SEL1L3: variants seen among roughly 807,000 people sequenced by gnomAD.
SEL1L3 encodes the protein SEL1L family member 3, also known as protein sel-1 homolog 3.
Under a neutral mutation model 142.8 loss-of-function variants are expected in SEL1L3, and 76 were observed. The observed-to-expected ratio is 0.53, with a 90% CI of 0.44 to 0.64. The LOEUF (loss-of-function observed/expected upper bound fraction) is 0.64, where lower values mean the gene tolerates loss of function less well. Ranked by LOEUF, SEL1L3 falls within the 30% of genes least tolerant of loss-of-function variation. The probability of loss-of-function intolerance (pLI) is 0.00; values close to 1 mark genes in which losing one functional copy is unlikely to be tolerated. For synonymous variants in SEL1L3, 504 were observed against 519.6 expected (o/e 0.97, Z 0.41); for missense variants, 1,262 against 1,381.7 (o/e 0.91, Z 1.37).
chr4:25,782,297 T>C lies in SEL1L3; in HGVS notation c.2402A>G (p.Asn801Ser), dbSNP rs369858949. The part of the protein sequence containing the change: ...EEMGNPDASY[N>S]LGVLHLDGIF... ...GCCATCCAAATGCAGGACTCCAAGA[T>C]TGTATGACGCATCTGGGTTCCCCAT... Residue 801 changes from asparagine to serine, a missense_variant, in exon 15 of 24, where the codon AAT becomes AGT. Physicochemically the swap from Asn to Ser is conservative, Grantham distance 46 (BLOSUM62 1). Around this residue, in one of 3 missense-constraint regions of SEL1L3, gnomAD observed 435 missense variants for 559.2 expected, o/e 0.78. Coordinates refer to ENST00000399878, the MANE Select transcript of SEL1L3 (RefSeq NM_015187.5). The C allele has an allele frequency of 3.1e-6, 5 of 1,613,766 alleles. No individual in the cohort carries two copies. The highest frequency in any genetic ancestry group is 2.7e-5 in the African/African-American group (2 of 74,900).
Position 25,833,072 on chromosome 4 carries a change from C to T in SEL1L3, c.1021G>A (p.Asp341Asn). ...ATGAATTTAGTTTTTACAGCAAGGT[C>T]TTCCCCTTTGACAAGATGCATCTGA... ...HIQMHLVKGE[D>N]LAVKTKFIIP... is the part of the protein sequence containing the mutation. Residue 341 changes from aspartate to asparagine, a missense_variant, in exon 5 of 24, where the codon GAC becomes AAC. Asp to Asn is a conservative substitution (Grantham distance 23). Around this residue, in one of 3 missense-constraint regions of SEL1L3, gnomAD observed 689 missense variants for 692.8 expected, o/e 0.99. Coordinates refer to ENST00000399878, the MANE Select transcript of SEL1L3 (RefSeq NM_015187.5). The T allele has an allele frequency of 6.2e-7, 1 of 1,612,212 alleles. No individual in the cohort carries two copies. The highest frequency in any genetic ancestry group is 8.5e-7 in the Non-Finnish European group (1 of 1,178,388).
rs925405935 is a variant in SEL1L3 at position 25,851,955 on chromosome 4, G to A, written c.163-4091C>T. 6.6e-5 allele frequency among the ~76,000 whole-genome samples: 10 copies of A among 150,950 alleles called. No individual in the cohort carries two copies. The East Asian group carries it at 2.0e-3, about 30-fold the overall frequency. On this transcript the variant is annotated intron_variant, in intron 1 of 23. Transcript: ENST00000399878. ...TCTGCAAATGGCAGAGGGAATAGGA[G>A]AAGAGCTGGTGATTCCTTTTGACCA...
chr4:25,753,031 T>C (rs532093636), intron 23 of SEL1L3, among the ~76,000 whole-genome samples: 180 of 152,366 alleles, frequency 1.2e-3, no homozygotes, highest in African/African-American at 4.1e-3. Flanking sequence ...GAGGCACAGA[T>C]AGGCTCCTTC....
intron 1 of SEL1L3, chr4:25,861,843 C>T (rs1717729437): frequency 6.6e-6 from 1 of 152,102 alleles, no homozygotes; most frequent in Non-Finnish European, 1.5e-5. Context: ...CAAGCAAGCC[C>T]TCAAAGGAAC....
intron 1 of SEL1L3, among the ~76,000 whole-genome samples, chr4:25,860,344 A>T: frequency 6.6e-6 from 1 of 152,158 alleles, no homozygotes; most frequent in East Asian, 1.9e-4. Flanking sequence ...GCCCAGCCCC[A>T]TCCCCCTGAC....
At chr4:25,853,827 A>T (rs2109320040) in intron 1 of SEL1L3, among the ~76,000 whole-genome samples, 1 of 152,122 alleles carries the variant, frequency 6.6e-6, no homozygotes, top group Middle Eastern at 3.4e-3. Flanking sequence ...ATGTGCCAAC[A>T]TGCCCAGCTA....
intron 10 of SEL1L3, among the ~76,000 whole-genome samples, chr4:25,804,042 G>T (rs774542043): frequency 9.2e-5 from 14 of 152,138 alleles, no homozygotes; most frequent in Non-Finnish European, 1.5e-4. Flanking sequence ...AATGCACTAT[G>T]AAAATGTAAT....
chr4:25,752,590 T>C (rs1717676176), intron 23 of SEL1L3, among the ~76,000 whole-genome samples: 2 of 152,138 alleles, frequency 1.3e-5, no homozygotes, highest in African/African-American at 4.8e-5. Context: ...CCAGAGGACA[T>C]ACTCCTTGAG....
the SEL1L3 span, among the ~76,000 whole-genome samples, chr4:25,741,598 A>C: frequency 2.0e-5 from 3 of 152,096 alleles, no homozygotes; most frequent in Admixed American, 2.0e-4. Flanking sequence ...GTTGATTAAC[A>C]TACATTCTTT....
chr4:25,853,703 G>A (rs866839676), intron 1 of SEL1L3, among the ~76,000 whole-genome samples: 4 of 113,772 alleles, frequency 3.5e-5, no homozygotes, highest in Admixed American at 1.3e-4. Context: ...ATGGAGTCTC[G>A]CTCTGTCGCC....
At chr4:25,797,926 G>A (rs775991749) in intron 11 of SEL1L3, among the ~76,000 whole-genome samples, 13 of 152,296 alleles carry the variant, frequency 8.5e-5, no homozygotes, top group Admixed American at 2.6e-4. Flanking sequence ...GGCACAGCAA[G>A]GAGAGACCCA....
intron 3 of SEL1L3, among the ~76,000 whole-genome samples, chr4:25,833,858 A>G (rs747007776): frequency 6.6e-6 from 1 of 152,216 alleles, no homozygotes; most frequent in Non-Finnish European, 1.5e-5. Context: ...CATGCCTGCT[A>G]TTTGAATTCT....
intron 9 of SEL1L3, among the ~76,000 whole-genome samples, chr4:25,812,761 C>T (rs1714116497): frequency 6.6e-6 from 1 of 151,158 alleles, no homozygotes; most frequent in African/African-American, 2.4e-5. Flanking sequence ...GCCTATAATC[C>T]CAGCACTTTG....
chr4:25,737,870 T>A, the SEL1L3 span, among the ~76,000 whole-genome samples: 1 of 148,996 alleles, frequency 6.7e-6, no homozygotes, highest in South Asian at 2.1e-4. Context: ...AATAAGTTCG[T>A]ACATGTTTAA....
intron 9 of SEL1L3, among the ~76,000 whole-genome samples, chr4:25,813,212 A>C (rs1291784062): frequency 6.6e-6 from 1 of 152,234 alleles, no homozygotes; most frequent in Non-Finnish European, 1.5e-5. Flanking sequence ...TATATCTAAC[A>C]AAAAATGAAA....
At chr4:25,769,786 G>A (rs1180061719) in intron 17 of SEL1L3, among the ~76,000 whole-genome samples, 2 of 152,136 alleles carry the variant, frequency 1.3e-5, no homozygotes, top group Non-Finnish European at 2.9e-5. Flanking sequence ...CCCTCTAACC[G>A]TAACTGGCTG....
chr4:25,789,219 C>T (rs552185269), intron 12 of SEL1L3, among the ~76,000 whole-genome samples: 1 of 152,118 alleles, frequency 6.6e-6, no homozygotes, highest in Non-Finnish European at 1.5e-5. Flanking sequence ...CTCCCCAATA[C>T]TTATAACTTC....
In SEL1L3 at chr4:25,749,991, C is replaced by T. The variant is rs543141758; in HGVS notation, c.3260-1427G>A. Among the ~76,000 whole-genome samples, 27 of 152,104 alleles carry T rather than the reference C, an allele frequency of 1.8e-4. No homozygotes were observed. In the East Asian group the frequency reaches 2.9e-3, roughly 16 times the overall value. On this transcript the variant is annotated intron_variant, in intron 23 of 23. Transcript: ENST00000399878. ...GCTCACGCCTGTAATCCCAGCACTT[C>T]GGGAGGCCCGGACGGCCGGATAACC...
At chr4:25,796,462 T>TGG (rs746210799) in intron 11 of SEL1L3, among the ~76,000 whole-genome samples, 1 of 151,832 alleles carries the variant, frequency 6.6e-6, no homozygotes, top group Non-Finnish European at 1.5e-5. Flanking sequence ...TGTGTGTGTG[T>TGG]GTGTAAAATT....
Sources: allele counts gnomAD v4.1 joint callset (sites outside exome capture counted in the v4.1 genomes callset), GRCh38; gene constraint gnomAD v4.1.1; regional missense constraint gnomAD v4.1.1; transcripts MANE v1.5; gene names NCBI Gene and HGNC (gene_info 2026-07-23, HGNC 2026-07-21).